Variants in ART3 observed in about 807,000 individuals in gnomAD.
ART3 encodes the protein ecto-ADP-ribosyltransferase 3.
A neutral mutation model predicts 48.5 loss-of-function variants in ART3; 49 were observed. The observed-to-expected ratio is 1.01, with a 90% CI of 0.80 to 1.28. ART3 has a LOEUF of 1.28. Among genes scored for constraint, ART3 ranks in the 50% most tolerant of loss-of-function variants. The probability of loss-of-function intolerance (pLI) is 0.00; values close to 1 mark genes in which losing one functional copy is unlikely to be tolerated. For missense variants in ART3, 438 were observed against 454.3 expected (o/e 0.96, Z 0.33); for synonymous variants, 145 against 157.2 (o/e 0.92, Z 0.58).
chr4:76,012,025 A>T (rs1731847866), intron 1 of ART3: 1 of 152,194 alleles, frequency 6.6e-6, no homozygotes, highest in Admixed American at 6.5e-5. Flanking sequence ...AACAGTTACC[A>T]ATTCCTTTTT....
In ART3 at chr4:76,098,816, G is replaced by C. The variant is rs10022519; in HGVS notation, c.815-139G>C. ...GTCTTTGAATTGAAATTTTATATCT[G>C]TTATAGTAACTGTATTTTTATGTTT... is the stretch of plus-strand genomic sequence containing the variant. On this transcript the variant is annotated intron_variant, in intron 4 of 11. Coordinates refer to ENST00000355810, the MANE Select transcript of ART3 (RefSeq NM_001130016.3). 352,237 of 683,238 alleles carry C rather than the reference G, an allele frequency of 0.52. 96,577 individuals are homozygous for C. The highest frequency in any genetic ancestry group is 0.98 in the East Asian group (32,702 of 33,386). The allele number at this position is 683,238 out of a possible 1,614,324, so 42.3% of individuals were successfully genotyped here. A position where few individuals can be genotyped will look rare whatever the true frequency, so the allele number is the denominator to read the frequency against.
intron 1 of ART3, chr4:76,021,161 A>T (rs1732769980): frequency 6.6e-6 from 1 of 152,290 alleles, no homozygotes. Flanking sequence ...TTCAACATTT[A>T]GATAGTCTTT....
intron 11 of ART3, among the ~76,000 whole-genome samples, chr4:76,108,052 A>C (rs1273766912): frequency 6.6e-6 from 1 of 151,692 alleles, no homozygotes; most frequent in East Asian, 1.9e-4. Context: ...CAGTCTGAAG[A>C]CTGGGAGCAA....
chr4:76,093,554 G>A (rs1725381372), intron 3 of ART3, among the ~76,000 whole-genome samples: 3 of 152,120 alleles, frequency 2.0e-5, no homozygotes, highest in African/African-American at 7.2e-5. Context: ...AGCTCACCTG[G>A]AAAATCCAAG....
In ART3 at chr4:76,013,226, T is replaced by G. The variant is rs567320558; in HGVS notation, c.-10+1906T>G. 2.6e-5 allele frequency among the ~76,000 whole-genome samples: 4 copies of G among 152,272 alleles called. No individual in the cohort carries two copies. The South Asian group carries it at 6.2e-4, about 24-fold the overall frequency. On this transcript the variant is annotated intron_variant, in intron 1 of 9. Transcript: ENST00000341029. The stretch of plus-strand genomic sequence containing the variant: ...TTGTTACAAGAAGAAGTTGGGGGAA[T>G]ATTCTAAGCAAGAGGCAGGAGAAGG...
In ART3 at chr4:76,022,910, C is replaced by G. The variant is rs1221442036; in HGVS notation, c.-10+11590C>G. 3.1e-6 allele frequency: 4 copies of G among 1,295,512 alleles called. No individual in the cohort carries two copies. In the Admixed American group the frequency reaches 6.5e-5, roughly 21 times the overall value. 80.3% of individuals were successfully genotyped at this position (1,295,512 alleles called of 1,614,324 possible). On this transcript the variant is annotated intron_variant, in intron 1 of 9. Transcript: ENST00000341029. ...GTGGTATTTAGCAGAACCTATATCC[C>G]CATATCAGCAAATAGTCACTTAATC...
intron 1 of ART3, among the ~76,000 whole-genome samples, chr4:76,019,038 T>A: frequency 8.1e-6 from 1 of 122,872 alleles, no homozygotes; most frequent in Admixed American, 9.3e-5. Context: ...TGAGACCCCA[T>A]CTCAAGGAAA....
rs1056587932 is a variant in ART3, at chr4:76,105,721, G to A, written c.1003+1092G>A. The A allele has an allele frequency of 9.1e-6, 9 of 985,314 alleles. No individual in the cohort carries two copies. In the Middle Eastern group the frequency reaches 1.5e-3, roughly 170 times the overall value. 61.0% of individuals were successfully genotyped at this position (985,314 alleles called of 1,614,324 possible). On this transcript the variant is annotated intron_variant, in intron 10 of 11. Coordinates refer to ENST00000355810, the MANE Select transcript of ART3 (RefSeq NM_001130016.3). ...GGGAAAGTGTTGAGAATTTCTTTCA[G>A]TGTGAGCAGCAGGCTGCTATTACGG...
chr4:76,016,144 G>GT (rs973698458), intron 1 of ART3, among the ~76,000 whole-genome samples: 2 of 152,102 alleles, frequency 1.3e-5, no homozygotes, highest in East Asian at 1.9e-4. Context: ...GGTTAAACAT[G>GT]TTTTTTCTTC....
chr4:76,011,471 G>A (rs906360825), intron 1 of ART3, among the ~76,000 whole-genome samples: 2 of 152,212 alleles, frequency 1.3e-5, no homozygotes, highest in Non-Finnish European at 2.9e-5. Context: ...GGTTTCACAC[G>A]AGGCTTGGGT....
intron 3 of ART3, among the ~76,000 whole-genome samples, chr4:76,096,466 A>G (rs1202591745): frequency 1.3e-5 from 2 of 152,198 alleles, no homozygotes; most frequent in Non-Finnish European, 2.9e-5. Flanking sequence ...GGATTCTCCT[A>G]TTGTAGGTAA....
chr4:76,047,896 G>C (rs752836841), intron 1 of ART3, among the ~76,000 whole-genome samples: 2 of 151,978 alleles, frequency 1.3e-5, no homozygotes, highest in Non-Finnish European at 2.9e-5. Context: ...AGGTACATCT[G>C]TGTACCTCTC....
intron 1 of ART3, among the ~76,000 whole-genome samples, chr4:76,047,821 C>G (rs184571035): frequency 2.5e-4 from 38 of 152,110 alleles, no homozygotes; most frequent in African/African-American, 8.7e-4. Flanking sequence ...TTTGATCTAA[C>G]AGTGGCATGA....
At chr4:76,111,383 G>A (rs944404904) in intron 11 of ART3, among the ~76,000 whole-genome samples, 1 of 152,110 alleles carries the variant, frequency 6.6e-6, no homozygotes, top group African/African-American at 2.4e-5. Context: ...ATAGATTCAG[G>A]TCTGCAGCTG....
Position 76,112,727 on chromosome 4 carries a change from G to A in ART3, c.*208G>A. 5 of 437,316 alleles carry A rather than the reference G, an allele frequency of 1.1e-5. No individual in the cohort carries two copies. The highest frequency in any genetic ancestry group is 1.9e-5 in the Non-Finnish European group (5 of 257,908). 27.1% of individuals were successfully genotyped at this position (437,316 alleles called of 1,614,324 possible). On this transcript the variant is annotated 3_prime_UTR_variant, in exon 12 of 12. Coordinates refer to ENST00000355810, the MANE Select transcript of ART3 (RefSeq NM_001130016.3). ...TTCACTTGTATACTACTCTTACAAT[G>A]GAAAAAAATCCCGAAAACTGTATAC...
intron 1 of ART3, among the ~76,000 whole-genome samples, chr4:76,041,766 T>A (rs913584883): frequency 6.6e-6 from 1 of 152,314 alleles, no homozygotes; most frequent in Admixed American, 6.5e-5. Context: ...ACAGTGAAGG[T>A]CTAGTTATTC....
intron 1 of ART3, among the ~76,000 whole-genome samples, chr4:76,062,200 C>T (rs1027983020): frequency 6.6e-6 from 1 of 152,170 alleles, no homozygotes; most frequent in Non-Finnish European, 1.5e-5. Flanking sequence ...TTTAGTTTTG[C>T]TTCCTATTTT....
intron 3 of ART3, among the ~76,000 whole-genome samples, chr4:76,090,721 G>GA (rs917510156): frequency 2.7e-5 from 4 of 150,848 alleles, no homozygotes; most frequent in African/African-American, 9.7e-5. Context: ...TCATAATTAA[G>GA]AAAAAAAAAT....
chr4:76,111,160 A>G (rs1276806439), intron 11 of ART3, among the ~76,000 whole-genome samples: 1 of 152,208 alleles, frequency 6.6e-6, no homozygotes, highest in East Asian at 1.9e-4. Context: ...ATGTGTTGCT[A>G]AACATCTCTG....
Sources: allele counts gnomAD v4.1 joint callset (sites outside exome capture counted in the v4.1 genomes callset), GRCh38; gene constraint gnomAD v4.1.1; transcripts MANE v1.5; gene names NCBI Gene and HGNC (gene_info 2026-07-23, HGNC 2026-07-21).